The following ZNF628 variants were observed in gnomAD, a reference collection of about 807,000 sequenced individuals.
ZNF628 encodes the protein zinc finger protein Zec.
A neutral mutation model predicts 2.5 loss-of-function variants in ZNF628; 3 were observed. The ratio of observed to expected loss-of-function variants is 1.19; its 90% CI spans 0.54 to 3.07. The LOEUF (loss-of-function observed/expected upper bound fraction) is 3.07. ZNF628 is among the 30% of genes most tolerant of loss of function. The pLI, the probability that ZNF628 is intolerant of heterozygous loss-of-function variation, is 0.03. For synonymous variants in ZNF628, 861 were observed against 717.1 expected (o/e 1.20, Z -3.21); for missense variants, 1,610 against 1,517.1 (o/e 1.06, Z -1.02).
chr19:55,480,162 G>T (rs1000432426), intron 2 of ZNF628, among the ~76,000 whole-genome samples: 1 of 152,112 alleles, frequency 6.6e-6, no homozygotes, highest in African/African-American at 2.4e-5. Flanking sequence ...TGGGGAGTTG[G>T]AGCACCAAGC....
chr19:55,484,304 C>T lies in ZNF628; in HGVS notation c.3111C>T (p.Thr1037=). The T allele has an allele frequency of 6.6e-7, 1 of 1,509,392 alleles. No homozygotes were observed. The highest frequency in any genetic ancestry group is 8.9e-7 in the Non-Finnish European group (1 of 1,128,010). 93.5% of individuals were successfully genotyped at this position (1,509,392 alleles called of 1,614,324 possible). Residue 1037 remains threonine, a synonymous_variant, in exon 3 of 3, where the codon ACC becomes ACT. Transcript: ENST00000598519. Reference sequence around the variant, plus strand: ...CAGGAGCTGGGCCTGGTGTTATGACCCCTCAGGGCCTGCCCTCCATCCAGA... The same window carrying T: ...CAGGAGCTGGGCCTGGTGTTATGACTCCTCAGGGCCTGCCCTCCATCCAGA... ...VPAGAGPGVM[T]PQGLPSIQIV...
At position 55,479,557 on chromosome 19, in the gene ZNF628, C is replaced by T. The variant is rs940951302; in HGVS notation, c.-77-277C>T. Among the ~76,000 whole-genome samples the T allele has an allele frequency of 1.3e-5, 2 of 152,086 alleles. No homozygotes were observed. The highest frequency in any genetic ancestry group is 6.5e-5 in the Admixed American group (1 of 15,276). On this transcript the variant is annotated intron_variant, in intron 1 of 2. Coordinates refer to ENST00000598519, the MANE Select transcript of ZNF628 (RefSeq NM_033113.3). This position sits in a 1 kb window ranked among gnomAD's most constrained non-coding sequence, Gnocchi z 5.1. The stretch of plus-strand genomic sequence containing the variant: ...GGGTCAGGCCTGTGGGGAAGGATTG[C>T]GCAGGGTTTCTGGACCTCGCACTGC...
In ZNF628 at chr19:55,483,900, G is replaced by A; in HGVS notation, c.2707G>A (p.Gly903Ser). 1 of 1,595,000 alleles carries A rather than the reference G, an allele frequency of 6.3e-7. No homozygotes were observed. Among genetic ancestry groups the A allele is most frequent in the Non-Finnish European group, 8.6e-7 (1 of 1,169,554 alleles). Residue 903 changes from glycine to serine, a missense_variant, in exon 3 of 3, where the codon GGC becomes AGC. Around this residue, in one of 5 missense-constraint regions of ZNF628, gnomAD observed 712 missense variants for 603.6 expected, o/e 1.18. Coordinates refer to ENST00000598519, the MANE Select transcript of ZNF628 (RefSeq NM_033113.3). ...QSGAAEELLT[G>S]PGPGEAGDGE... is the part of the protein sequence containing the mutation. The stretch of plus-strand genomic sequence containing the variant: ...CGGGGCAGCTGAGGAGTTGCTCACT[G>A]GCCCGGGCCCCGGGGAGGCGGGGGA...
intron 2 of ZNF628, 21 bp from the exon 3 acceptor site, chr19:55,481,180 G>T: frequency 6.6e-7 from 1 of 1,505,636 alleles, no homozygotes; most frequent in South Asian, 1.3e-5. Flanking sequence ...GTGAGCCGCT[G>T]ACCCAGAATC....
chr19:55,483,401 TC>T lies in ZNF628; in HGVS notation c.2211del (p.Ala738HisfsTer45). On this transcript the variant is annotated frameshift_variant, in exon 3 of 3. Coordinates refer to ENST00000598519, the MANE Select transcript of ZNF628 (RefSeq NM_033113.3). LOFTEE classifies it low-confidence loss of function (END_TRUNC). ...SVQPPTPPPP[P>X]APPKLILLPS... ...TGCAGCCCCCTACACCTCCGCCCCC[TC>T]CCGCACCTCCCAAGCTCATCCTGCT... 6.5e-7 allele frequency: 1 copy of T among 1,528,870 alleles called. No homozygotes were observed. The highest frequency in any genetic ancestry group is 2.1e-5 in the Admixed American group (1 of 48,634). 94.7% of individuals were successfully genotyped at this position (1,528,870 alleles called of 1,614,324 possible).
chr19:55,483,310 C>A lies in ZNF628; in HGVS notation c.2117C>A (p.Ala706Glu). 6.5e-7 allele frequency: 1 copy of A among 1,527,778 alleles called. No homozygotes were observed. The highest frequency in any genetic ancestry group is 8.8e-7 in the Non-Finnish European group (1 of 1,140,458). 94.6% of individuals were successfully genotyped at this position (1,527,778 alleles called of 1,614,324 possible). A position where few individuals can be genotyped will look rare whatever the true frequency, so the allele number is the denominator to read the frequency against. ...TAQAPSLGPA[A>E]PNSQTFLLVQ... is the part of the protein sequence containing the mutation. ...CAGGCCCCGAGCTTGGGGCCAGCAG[C>A]GCCCAACTCTCAGACGTTCCTCCTG... The change falls in exon 3 of 3, where the codon GCG (alanine) becomes GAG (glutamate). Residue 706 changes from alanine to glutamate, a missense_variant. Ala to Glu is a moderately radical substitution (Grantham distance 107). This residue lies in a region of ZNF628 where 712 missense variants were observed against 603.6 expected (regional missense o/e 1.18). Coordinates refer to ENST00000598519, the MANE Select transcript of ZNF628 (RefSeq NM_033113.3).
chr19:55,483,784 C>G lies in ZNF628; in HGVS notation c.2591C>G (p.Thr864Arg). ...VQLQPAQEVT[T>R]VQLQPVAGQL... ...CTCCAGCCAGCACAGGAGGTGACCA[C>G]GGTCCAGCTCCAGCCCGTGGCCGGC... The change falls in exon 3 of 3, where the codon ACG becomes AGG. Residue 864 changes from threonine (T) to arginine (R), a missense_variant. Coordinates refer to ENST00000598519, the MANE Select transcript of ZNF628 (RefSeq NM_033113.3). 1 of 1,613,812 alleles carries G rather than the reference C, an allele frequency of 6.2e-7. No individual in the cohort carries two copies. Among genetic ancestry groups the G allele is most frequent in the Non-Finnish European group, 8.5e-7 (1 of 1,179,844 alleles).
rs11550705 is a variant in ZNF628, at chr19:55,483,905, G to C, written c.2712G>C (p.Pro904=). 1.3e-6 allele frequency: 2 copies of C among 1,589,840 alleles called. No individual in the cohort carries two copies. The highest frequency in any genetic ancestry group is 1.7e-6 in the Non-Finnish European group (2 of 1,166,604). Reference sequence around the variant, plus strand: ...CAGCTGAGGAGTTGCTCACTGGCCCGGGCCCCGGGGAGGCGGGGGATGGCG... The same window carrying C: ...CAGCTGAGGAGTTGCTCACTGGCCCCGGCCCCGGGGAGGCGGGGGATGGCG... ...SGAAEELLTG[P]GPGEAGDGEA... The change falls in exon 3 of 3, where the codon CCG becomes CCC. Residue 904 remains proline, a synonymous_variant. Transcript: ENST00000598519.
In ZNF628 at chr19:55,482,236, C is replaced by G; in HGVS notation, c.1043C>G (p.Pro348Arg). 1 of 1,445,036 alleles carries G rather than the reference C, an allele frequency of 6.9e-7. No homozygotes were observed. The highest frequency in any genetic ancestry group is 9.0e-7 in the Non-Finnish European group (1 of 1,107,268). The allele number at this position is 1,445,036 out of a possible 1,614,324, so 89.5% of individuals were successfully genotyped here. The change falls in exon 3 of 3, where the codon CCC becomes CGC. Residue 348 changes from proline to arginine, a missense_variant. This residue lies in a region of ZNF628 where 651 missense variants were observed against 575.6 expected (regional missense o/e 1.13). Transcript: ENST00000598519. ...PPSPLPQPPPPAAAPAPGFAC... is the reference protein window; with the variant it reads ...PPSPLPQPPPRAAAPAPGFAC... The stretch of plus-strand genomic sequence containing the variant: ...TCCCCTCTGCCGCAGCCCCCTCCTC[C>G]CGCCGCCGCCCCCGCGCCTGGCTTT...
At position 55,484,232 on chromosome 19, in the gene ZNF628, G is replaced by A. The variant is rs946022772; in HGVS notation, c.3039G>A (p.Ala1013=). Residue 1013 remains alanine (A), a synonymous_variant, in exon 3 of 3, where the codon GCG becomes GCA. Coordinates refer to ENST00000598519, the MANE Select transcript of ZNF628 (RefSeq NM_033113.3). ...CGTCAGGCCCAGCCTCGGGCCCCGCGGGGCTCCCCGGGGCTCCAGCCTCCC... is the reference window on the plus strand; with the variant it reads ...CGTCAGGCCCAGCCTCGGGCCCCGCAGGGCTCCCCGGGGCTCCAGCCTCCC... ...PPPSGPASGP[A]GLPGAPASQM... 9 of 1,547,312 alleles carry A rather than the reference G, an allele frequency of 5.8e-6. No homozygotes were observed. In the African/African-American group the frequency reaches 8.2e-5, roughly 14 times the overall value.
rs1176628335 is a variant in ZNF628, at chr19:55,481,686, C to T, written c.493C>T (p.Arg165Cys). 5.0e-6 allele frequency: 8 copies of T among 1,612,306 alleles called. No homozygotes were observed. The highest frequency in any genetic ancestry group is 1.7e-5 in the Admixed American group (1 of 59,910). The change falls in exon 3 of 3, where the codon CGC becomes TGC. Residue 165 changes from arginine to cysteine, a missense_variant. Arg to Cys is a radical substitution (Grantham distance 180). Around this residue, in one of 5 missense-constraint regions of ZNF628, gnomAD observed 166 missense variants for 241.3 expected, o/e 0.69. Transcript: ENST00000598519. ...CTTCAAGAACTCGTCCAGCCTGCGG[C>T]GCCACCGCCACGTGCACACCGGCGA... ...KAFKNSSSLRRHRHVHTGERP... is the reference protein window; with the variant it reads ...KAFKNSSSLRCHRHVHTGERP...
At position 55,481,935 on chromosome 19, in the gene ZNF628, A is replaced by G. The variant is rs1172242259; in HGVS notation, c.742A>G (p.Lys248Glu). 5 of 1,430,056 alleles carry G rather than the reference A, an allele frequency of 3.5e-6. No homozygotes were observed. Among genetic ancestry groups the G allele is most frequent in the Admixed American group, 2.4e-5 (1 of 41,032 alleles). 88.6% of individuals were successfully genotyped at this position (1,430,056 alleles called of 1,614,324 possible). The change falls in exon 3 of 3, where the codon AAG (lysine) becomes GAG (glutamate). Residue 248 changes from lysine to glutamate, a missense_variant. Around this residue, in one of 5 missense-constraint regions of ZNF628, gnomAD observed 651 missense variants for 575.6 expected, o/e 1.13. Coordinates refer to ENST00000598519, the MANE Select transcript of ZNF628 (RefSeq NM_033113.3). ...GCCCCCCCAGTCCCGGGAGCCCGGCAAGGTCTTCGTGTGCGACGCCTACCT... is the reference window on the plus strand; with the variant it reads ...GCCCCCCCAGTCCCGGGAGCCCGGCGAGGTCTTCGTGTGCGACGCCTACCT... ...APPPQSREPG[K>E]VFVCDAYLQR... is the part of the protein sequence containing the mutation.
rs1986779659 is a variant in ZNF628, at chr19:55,483,029, C to T, written c.1836C>T (p.His612=). The T allele has an allele frequency of 6.2e-7, 1 of 1,612,086 alleles. No individual in the cohort carries two copies. ...CCCACTCCTCCAACCTGCTGCTGCA[C>T]CAGCGCACGCACTCGGCGGAGCGCC... is the stretch of plus-strand genomic sequence containing the variant. ...TFTHSSNLLL[H]QRTHSAERPF... Residue 612 remains histidine, a synonymous_variant, in exon 3 of 3, where the codon CAC becomes CAT. Transcript: ENST00000598519.
Position 55,483,539 on chromosome 19 carries a change from AGG to A in ZNF628, c.2349_2350del (p.Val784AlafsTer101). 1 of 1,580,164 alleles carries A rather than the reference AGG, an allele frequency of 6.3e-7. No individual in the cohort carries two copies. Among genetic ancestry groups the A allele is most frequent in the Non-Finnish European group, 8.6e-7 (1 of 1,161,690 alleles). On this transcript the variant is annotated frameshift_variant, in exon 3 of 3. Coordinates refer to ENST00000598519, the MANE Select transcript of ZNF628 (RefSeq NM_033113.3). LOFTEE classifies it low-confidence loss of function (END_TRUNC). Reference protein sequence around the residue: ...VVWLPGPGGLGVQGAASAGAS... With the variant: ...VVWLPGPGGLXVQGAASAGAS... ...TCTGGCTGCCAGGCCCTGGGGGTCT[AGG>A]GGTGCAGGGAGCGGCCAGCGCTGGG...
chr19:55,481,461 C>A lies in ZNF628; in HGVS notation c.268C>A (p.Arg90=). 3 of 1,612,776 alleles carry A rather than the reference C, an allele frequency of 1.9e-6. No individual in the cohort carries two copies. The highest frequency in any genetic ancestry group is 1.7e-4 in the Middle Eastern group (1 of 6,060). Residue 90 remains arginine, a synonymous_variant, in exon 3 of 3, where the codon CGG becomes AGG. Coordinates refer to ENST00000598519, the MANE Select transcript of ZNF628 (RefSeq NM_033113.3). ...LYHQRGHTGE[R]PYQCPDCPKA... ...CCACCAGCGAGGCCACACGGGCGAGCGGCCCTACCAGTGCCCCGACTGTCC... is the reference window on the plus strand; with the variant it reads ...CCACCAGCGAGGCCACACGGGCGAGAGGCCCTACCAGTGCCCCGACTGTCC...
chr19:55,477,850 C>A (rs1238203452), intron 1 of ZNF628, among the ~76,000 whole-genome samples: 1 of 152,154 alleles, frequency 6.6e-6, no homozygotes, highest in Non-Finnish European at 1.5e-5. Context: ...GTTTACTGCG[C>A]ACACACTCTG....
Position 55,482,199 on chromosome 19 carries a change from G to A in ZNF628, c.1006G>A (p.Asp336Asn). The change falls in exon 3 of 3, where the codon GAC (aspartate) becomes AAC (asparagine). Residue 336 changes from aspartate (D) to asparagine (N), a missense_variant. By Grantham distance (23) the Asp-to-Asn change is conservative. Transcript: ENST00000598519. The part of the protein sequence containing the change: ...QEAPAEAPKA[D>N]QPPSPLPQPP... ...GGCACCCGCCGAGGCGCCCAAGGCCGACCAGCCACCGTCCCCTCTGCCGCA... is the reference window on the plus strand; with the variant it reads ...GGCACCCGCCGAGGCGCCCAAGGCCAACCAGCCACCGTCCCCTCTGCCGCA... 1 of 1,488,802 alleles carries A rather than the reference G, an allele frequency of 6.7e-7. No homozygotes were observed. Among genetic ancestry groups the A allele is most frequent in the Admixed American group, 2.1e-5 (1 of 46,522 alleles). 92.2% of individuals were successfully genotyped at this position (1,488,802 alleles called of 1,614,324 possible).
In ZNF628 at chr19:55,484,022, T is replaced by A; in HGVS notation, c.2829T>A (p.Asp943Glu). Residue 943 changes from aspartate (D) to glutamate (E), a missense_variant, in exon 3 of 3, where the codon GAT becomes GAA. By Grantham distance (45) the Asp-to-Glu change is conservative (BLOSUM62 2). Transcript: ENST00000598519. ...LQSVLVLSGADGEQTRLCVQE... is the reference protein window; with the variant it reads ...LQSVLVLSGAEGEQTRLCVQE... ...GCGTGCTGGTGCTGAGCGGGGCCGA[T>A]GGCGAACAGACTCGACTCTGCGTAC... 2 of 1,595,330 alleles carry A rather than the reference T, an allele frequency of 1.3e-6. No homozygotes were observed. Among genetic ancestry groups the A allele is most frequent in the Non-Finnish European group, 1.7e-6 (2 of 1,170,744 alleles).
At position 55,482,515 on chromosome 19, in the gene ZNF628, C is replaced by A. The variant is rs1339349789; in HGVS notation, c.1322C>A (p.Pro441Gln). 6.8e-7 allele frequency: 1 copy of A among 1,471,106 alleles called. No individual in the cohort carries two copies. Among genetic ancestry groups the A allele is most frequent in the Non-Finnish European group, 9.0e-7 (1 of 1,111,040 alleles). The allele number at this position is 1,471,106 out of a possible 1,614,324, so 91.1% of individuals were successfully genotyped here. The change falls in exon 3 of 3, where the codon CCG becomes CAG. Residue 441 changes from proline to glutamine, a missense_variant. Around this residue, in one of 5 missense-constraint regions of ZNF628, gnomAD observed 651 missense variants for 575.6 expected, o/e 1.13. Transcript: ENST00000598519. ...CTGGCGCCTGCCGCCCCCGTCCCGC[C>A]GCCACCCCCGTCCGCCCCCGCTTCT... ...EPLAPAAPVP[P>Q]PPPSAPASAE...
Sources: allele counts gnomAD v4.1 joint callset (sites outside exome capture counted in the v4.1 genomes callset), GRCh38; gene constraint gnomAD v4.1.1; regional missense constraint gnomAD v4.1.1; non-coding constraint Gnocchi (gnomAD v3.1); transcripts MANE v1.5; gene names NCBI Gene and HGNC (gene_info 2026-07-23, HGNC 2026-07-21).